ARHGAP12: variants seen among roughly 807,000 people sequenced by gnomAD.
The protein encoded by ARHGAP12 is rho GTPase-activating protein 12.
ARHGAP12 carries 64 observed loss-of-function variants against 108.6 expected under a neutral mutation model. That is an observed-to-expected ratio of 0.59 (90% CI 0.48 to 0.73). ARHGAP12 has a LOEUF of 0.73. ARHGAP12 is among the 30% of genes least tolerant of loss of function. The probability of loss-of-function intolerance (pLI) is 0.00; values close to 1 mark genes in which losing one functional copy is unlikely to be tolerated. For missense variants in ARHGAP12, 940 were observed against 1,005.9 expected (o/e 0.93, Z 0.89); for synonymous variants, 312 against 337.2 (o/e 0.93, Z 0.82).
At chr10:31,917,404 C>CA (rs1022448048) in intron 1 of ARHGAP12, among the ~76,000 whole-genome samples, 1 of 151,436 alleles carries the variant, frequency 6.6e-6, no homozygotes, top group African/African-American at 2.4e-5. Context: ...GACTTAGTCT[C>CA]AAAAAAATAA....
intron 3 of ARHGAP12, among the ~76,000 whole-genome samples, chr10:31,906,926 A>T (rs761886722): frequency 6.6e-6 from 1 of 152,228 alleles, no homozygotes; most frequent in African/African-American, 2.4e-5. Context: ...TCTATGTCAG[A>T]GTATCACATA....
intron 11 of ARHGAP12, among the ~76,000 whole-genome samples, chr10:31,824,381 G>A (rs984718734): frequency 2.0e-5 from 3 of 152,100 alleles, no homozygotes; most frequent in African/African-American, 4.8e-5. Context: ...AATTAAAATA[G>A]TGATTCCCTG....
chr10:31,826,180 A>G, intron 11 of ARHGAP12, 124 bp downstream of exon 11: 1 of 644,986 alleles, frequency 1.6e-6, no homozygotes, highest in Non-Finnish European at 2.5e-6. Context: ...AGAAGATTTT[A>G]TTCATTTTTA....
chr10:31,808,161 A>G (rs769166366), intron 19 of ARHGAP12, among the ~76,000 whole-genome samples: 3 of 152,150 alleles, frequency 2.0e-5, no homozygotes, highest in Non-Finnish European at 2.9e-5. Context: ...ATGGGAAAAA[A>G]ATCTCATTAG....
chr10:31,924,274 T>C (rs1405272673), intron 1 of ARHGAP12, among the ~76,000 whole-genome samples: 2 of 152,252 alleles, frequency 1.3e-5, no homozygotes, highest in East Asian at 3.9e-4. Flanking sequence ...TGGCCAGAAA[T>C]TGAAAACTCA....
chr10:31,906,337 C>A (rs762504366), intron 3 of ARHGAP12, among the ~76,000 whole-genome samples: 1 of 152,126 alleles, frequency 6.6e-6, no homozygotes, highest in Non-Finnish European at 1.5e-5. Flanking sequence ...TCAATAGATA[C>A]ATAATGCATT....
chr10:31,837,299 G>A (rs925155677), intron 9 of ARHGAP12, among the ~76,000 whole-genome samples: 1 of 152,160 alleles, frequency 6.6e-6, no homozygotes, highest in African/African-American at 2.4e-5. Context: ...GGCAATTCTT[G>A]CCAAAACCAC....
chr10:31,873,592 G>T (rs1837617870), intron 3 of ARHGAP12, among the ~76,000 whole-genome samples: 1 of 152,108 alleles, frequency 6.6e-6, no homozygotes, highest in African/African-American at 2.4e-5. Flanking sequence ...AAGCCCCTTA[G>T]GAGTTAAGAA....
At chr10:31,811,200 A>T (rs2778652) in intron 15 of ARHGAP12, among the ~76,000 whole-genome samples, 7,649 of 152,140 alleles carry the variant, frequency 0.05, 647 homozygotes, top group African/African-American at 0.17. Context: ...TTCATGAGGG[A>T]GAGGACCAAG....
At chr10:31,844,741 T>C (rs146192300) in intron 6 of ARHGAP12, among the ~76,000 whole-genome samples, 8 of 150,178 alleles carry the variant, frequency 5.3e-5, no homozygotes, top group African/African-American at 1.5e-4. Flanking sequence ...CCTAACCCCA[T>C]TGATTTGTAA....
chr10:31,888,417 T>C (rs182962148), intron 3 of ARHGAP12, among the ~76,000 whole-genome samples: 2 of 152,340 alleles, frequency 1.3e-5, no homozygotes, highest in East Asian at 3.9e-4. Flanking sequence ...AAAAAATAGA[T>C]ACTCTAATTT....
In ARHGAP12 at chr10:31,843,542, C is replaced by G. The variant is rs1195536287; in HGVS notation, c.1215G>C (p.Arg405Ser). 1 of 1,611,282 alleles carries G rather than the reference C, an allele frequency of 6.2e-7. No homozygotes were observed. Reference sequence around the variant, plus strand: ...GTTCTTGCAGCCGCCTGTCCAGGCTCCTACTTTTAATTATTTCTCTTTGCT... The same window carrying G: ...GTTCTTGCAGCCGCCTGTCCAGGCTGCTACTTTTAATTATTTCTCTTTGCT... ...SQQQREIIKS[R>S]SLDRRLQEPI... Residue 405 changes from arginine (R) to serine (S), a missense_variant, in exon 7 of 20, where the codon AGG (arginine) becomes AGC (serine). Transcript: ENST00000344936.
At chr10:31,827,369 A>C (rs1835654849) in intron 10 of ARHGAP12, among the ~76,000 whole-genome samples, 1 of 152,222 alleles carries the variant, frequency 6.6e-6, no homozygotes, top group African/African-American at 2.4e-5. Flanking sequence ...CAGTGTTTAC[A>C]AGTAGGAAAA....
At chr10:31,862,209 T>G (rs751292842) in intron 3 of ARHGAP12, among the ~76,000 whole-genome samples, 3 of 152,228 alleles carry the variant, frequency 2.0e-5, no homozygotes, top group Non-Finnish European at 4.4e-5. Context: ...GGAATAATAC[T>G]TAAGCTAAGA....
chr10:31,811,595 C>T (rs1048175261), intron 15 of ARHGAP12, among the ~76,000 whole-genome samples: 16 of 146,828 alleles, frequency 1.1e-4, no homozygotes, highest in African/African-American at 4.1e-4. Context: ...CATACAAATT[C>T]AAATGCTTTA....
chr10:31,885,297 T>G (rs1030526093), intron 3 of ARHGAP12, among the ~76,000 whole-genome samples: 1 of 152,212 alleles, frequency 6.6e-6, no homozygotes, highest in African/African-American at 2.4e-5. Context: ...ATTTTTTCAA[T>G]GTAAAAATAA....
chr10:31,887,357 C>A (rs970112733), intron 3 of ARHGAP12, among the ~76,000 whole-genome samples: 1 of 152,108 alleles, frequency 6.6e-6, no homozygotes, highest in African/African-American at 2.4e-5. Context: ...ATATAAAAAG[C>A]ACCTTCATAA....
intron 4 of ARHGAP12, among the ~76,000 whole-genome samples, chr10:31,854,674 A>G (rs952874694): frequency 6.6e-6 from 1 of 152,028 alleles, no homozygotes; most frequent in Non-Finnish European, 1.5e-5. Context: ...ATCTCAGACT[A>G]TTTTTCTATA....
intron 3 of ARHGAP12, among the ~76,000 whole-genome samples, chr10:31,889,451 T>C (rs1838322942): frequency 6.6e-6 from 1 of 152,102 alleles, no homozygotes; most frequent in Non-Finnish European, 1.5e-5. Context: ...CTATAAAGAA[T>C]AATACAAAGT....
Sources: gnomAD v4.1 joint callset for allele counts (sites outside exome capture counted in the v4.1 genomes callset) on GRCh38, gnomAD v4.1.1 for gene constraint, MANE v1.5 for transcripts, NCBI Gene and HGNC (gene_info 2026-07-23, HGNC 2026-07-21) for gene names.